The following CNTN1 variants were observed in gnomAD, a reference collection of about 807,000 sequenced individuals.
CNTN1 encodes contactin-1.
A neutral mutation model predicts 126.4 loss-of-function variants in CNTN1; 38 were observed. The observed-to-expected ratio is 0.30, with a 90% CI of 0.23 to 0.39. The LOEUF is 0.39. CNTN1 is among the 10% of genes least tolerant of loss of function. CNTN1 has a pLI of 1.00. For synonymous variants in CNTN1, 413 were observed against 422.6 expected, an observed-to-expected ratio of 0.98 and a Z score of 0.28; for missense variants, 1,009 against 1,248.4, an observed-to-expected ratio of 0.81 and a Z score of 2.89.
intron 1 of CNTN1, among the ~76,000 whole-genome samples, chr12:40,868,411 G>A (rs899889513): frequency 6.6e-6 from 1 of 152,118 alleles, no homozygotes. Flanking sequence ...CAGAGATTCA[G>A]GTTGAGTCAG....
chr12:40,770,813 G>A (rs1026122381), intron 1 of CNTN1, among the ~76,000 whole-genome samples: 3 of 152,042 alleles, frequency 2.0e-5, no homozygotes, highest in African/African-American at 7.2e-5. Flanking sequence ...TTTCTGTTAC[G>A]TGAACTTTAT....
chr12:41,020,819 A>T (rs561082286), intron 20 of CNTN1, among the ~76,000 whole-genome samples: 1 of 152,324 alleles, frequency 6.6e-6, no homozygotes, highest in East Asian at 1.9e-4. Context: ...ATCCTCTTTG[A>T]GTCAGTAGTT....
intron 7 of CNTN1, 93 bp downstream of exon 7, chr12:40,930,095 C>G (rs1945831636): frequency 9.4e-7 from 1 of 1,068,354 alleles, no homozygotes; most frequent in Non-Finnish European, 1.5e-6. Context: ...TGAAGACTAG[C>G]TGACTTTTCA....
intron 4 of CNTN1, 103 bp from the exon 5 acceptor site, chr12:40,922,153 C>T: frequency 1.1e-6 from 1 of 915,276 alleles, no homozygotes; most frequent in Admixed American, 1.8e-5. Context: ...AATTGTCTGA[C>T]TTCACATGGA....
chr12:40,851,300 A>G (rs1412241677), intron 1 of CNTN1, among the ~76,000 whole-genome samples: 1 of 152,118 alleles, frequency 6.6e-6, no homozygotes, highest in Non-Finnish European at 1.5e-5. Context: ...TTTCCCTCTC[A>G]TTGTCCTGGC....
chr12:40,825,192 G>A (rs1399639860), intron 1 of CNTN1, among the ~76,000 whole-genome samples: 1 of 152,110 alleles, frequency 6.6e-6, no homozygotes, highest in African/African-American at 2.4e-5. Context: ...AGAGAGAAAA[G>A]TAGAAAGCAT....
At chr12:40,731,336 G>A (rs1942496937) in intron 1 of CNTN1, among the ~76,000 whole-genome samples, 1 of 151,786 alleles carries the variant, frequency 6.6e-6, no homozygotes, top group Non-Finnish European at 1.5e-5. Context: ...AGGCCAAACA[G>A]GAATGAATTA....
Position 40,773,523 on chromosome 12 carries a change from G to T in CNTN1, c.-77+80931G>T, listed in dbSNP as rs192705907. 6.8e-3 allele frequency among the ~76,000 whole-genome samples: 1,026 copies of T among 150,964 alleles called. 8 individuals are homozygous for T. Among genetic ancestry groups the T allele is most frequent in the Non-Finnish European group, 9.9e-3 (666 of 67,530 alleles). ...ATGTTAAATCTGTGCTGTGTGAGCA[G>T]CAGGAAGCTACAGAGACTTCCGAAA... On this transcript the variant is annotated intron_variant, in intron 1 of 23. Coordinates refer to ENST00000551295, the MANE Select transcript of CNTN1 (RefSeq NM_001843.4).
At position 40,992,430 on chromosome 12, in the gene CNTN1, A is replaced by C. The variant is rs1346734171; in HGVS notation, c.1964-690A>C. On this transcript the variant is annotated intron_variant, in intron 16 of 23. Transcript: ENST00000551295. ...TATTAAAAACTCGTGGAAATATTTG[A>C]GGCAAGCTTATAATAATGCACAGAT... Among the ~76,000 whole-genome samples the C allele has an allele frequency of 2.0e-5, 3 of 152,126 alleles. No homozygotes were observed. In the East Asian group the frequency reaches 5.8e-4, roughly 29 times the overall value.
chr12:40,879,791 C>T (rs757598842), intron 1 of CNTN1, among the ~76,000 whole-genome samples: 9 of 152,032 alleles, frequency 5.9e-5, no homozygotes, highest in Non-Finnish European at 1.0e-4. Context: ...ACAATCAATC[C>T]TACTTGTGTT....
intron 17 of CNTN1, among the ~76,000 whole-genome samples, chr12:41,006,614 C>A (rs568157100): frequency 2.0e-5 from 3 of 152,350 alleles, no homozygotes; most frequent in Admixed American, 6.5e-5. Context: ...CAGAAGTTTT[C>A]ATGTAGGTAT....
intron 1 of CNTN1, among the ~76,000 whole-genome samples, chr12:40,704,979 A>T (rs1941702482): frequency 6.6e-6 from 1 of 152,294 alleles, no homozygotes; most frequent in African/African-American, 2.4e-5. Context: ...CCTTGCAATA[A>T]AAATCCCTCT....
chr12:40,924,673 A>T (rs1392348317), intron 6 of CNTN1, 21 bp downstream of exon 6: 1 of 1,297,728 alleles, frequency 7.7e-7, no homozygotes, highest in Non-Finnish European at 1.1e-6. Context: ...TTCCTCTCTG[A>T]CTATTAGCAT....
intron 15 of CNTN1, among the ~76,000 whole-genome samples, chr12:40,961,198 C>T (rs1947096583): frequency 6.6e-6 from 1 of 151,968 alleles, no homozygotes; most frequent in Non-Finnish European, 1.5e-5. Context: ...TAAAACCATA[C>T]AGGTACATGA....
At chr12:40,917,572 C>T (rs1453017976) in intron 3 of CNTN1, among the ~76,000 whole-genome samples, 1 of 152,124 alleles carries the variant, frequency 6.6e-6, no homozygotes, top group Non-Finnish European at 1.5e-5. Flanking sequence ...TATTTGTGTG[C>T]CATTGTCTTT....
chr12:40,922,961 C>G (rs1358220229), intron 5 of CNTN1, among the ~76,000 whole-genome samples: 1 of 129,484 alleles, frequency 7.7e-6, no homozygotes, highest in Non-Finnish European at 1.6e-5. Flanking sequence ...CAGAGCAAGA[C>G]TCTGCCTTAA....
At chr12:40,833,582 A>T (rs916309168) in intron 1 of CNTN1, among the ~76,000 whole-genome samples, 1 of 147,298 alleles carries the variant, frequency 6.8e-6, no homozygotes, top group Non-Finnish European at 1.5e-5. Context: ...TAAAAAAAAA[A>T]ATCATTACCT....
At chr12:40,887,949 G>A (rs981225401) in intron 1 of CNTN1, among the ~76,000 whole-genome samples, 6 of 146,466 alleles carry the variant, frequency 4.1e-5, no homozygotes, top group Non-Finnish European at 8.9e-5. Flanking sequence ...TCACTCATAG[G>A]TGGGAATTGA....
chr12:40,729,674 C>T lies in CNTN1; in HGVS notation c.-77+37082C>T, dbSNP rs141802833. ...TTTTCATACAGCTCCCAATGCACTC[C>T]ATTGTGCCTAAAATAAAGCAGTTGG... is the stretch of plus-strand genomic sequence containing the variant. On this transcript the variant is annotated intron_variant, in intron 1 of 23. Transcript: ENST00000551295. The T allele has an allele frequency of 2.5e-3, 534 of 211,476 alleles. 1 individual carries two copies. Among genetic ancestry groups the T allele is most frequent in the African/African-American group, 0.012 (500 of 43,242 alleles). The allele number at this position is 211,476 out of a possible 1,614,324, so 13.1% of individuals were successfully genotyped here. A position where few individuals can be genotyped will look rare whatever the true frequency, so the allele number is the denominator to read the frequency against.
Sources: gnomAD v4.1 joint callset for allele counts (sites outside exome capture counted in the v4.1 genomes callset) on GRCh38, gnomAD v4.1.1 for gene constraint, MANE v1.5 for transcripts, NCBI Gene and HGNC (gene_info 2026-07-23, HGNC 2026-07-21) for gene names.